The following CTBP2 variants were observed in gnomAD, a reference collection of about 807,000 sequenced individuals.
CTBP2 encodes the protein C-terminal binding protein 2.
A neutral mutation model predicts 80.3 loss-of-function variants in CTBP2; 30 were observed. That is an observed-to-expected ratio of 0.37 (90% CI 0.28 to 0.51). CTBP2 has a LOEUF of 0.51. Among genes scored for constraint, CTBP2 ranks in the 20% least tolerant of loss-of-function variants. The pLI, the probability that CTBP2 is intolerant of heterozygous loss-of-function variation, is 0.93. For missense variants in CTBP2, 1,212 were observed against 1,375.3 expected (o/e 0.88, Z 1.88); for synonymous variants, 594 against 587.4 (o/e 1.01, Z -0.16).
intron 2 of CTBP2, among the ~76,000 whole-genome samples, chr10:125,096,323 T>TG (rs1284142831): frequency 1.3e-5 from 2 of 152,082 alleles, no homozygotes; most frequent in African/African-American, 4.8e-5. Flanking sequence ...ACCTACCCCA[T>TG]GGGGAAAAAA....
At chr10:125,129,742 A>AG (rs1457466501) in intron 1 of CTBP2, among the ~76,000 whole-genome samples, 1 of 152,210 alleles carries the variant, frequency 6.6e-6, no homozygotes, top group East Asian at 1.9e-4. Flanking sequence ...CTCTGGAAGG[A>AG]GGAGCACAGA....
chr10:124,997,359 G>C (rs7916617), intron 4 of CTBP2: 6 of 154,648 alleles, frequency 3.9e-5, no homozygotes, highest in African/African-American at 1.4e-4. Context: ...GGACCTCCTC[G>C]AGCCCCCATG....
intron 1 of CTBP2, among the ~76,000 whole-genome samples, chr10:125,120,771 G>A (rs906561994): frequency 2.6e-5 from 4 of 152,092 alleles, no homozygotes; most frequent in African/African-American, 4.8e-5. Flanking sequence ...TCTACCTCTC[G>A]GGCTCAAGTA....
rs1852978787 is a variant in CTBP2, at chr10:125,114,999, G to T, written c.-205-3906C>A. 2.0e-5 allele frequency among the ~76,000 whole-genome samples: 3 copies of T among 152,042 alleles called. No homozygotes were observed. The South Asian group carries it at 6.2e-4, about 32-fold the overall frequency. The stretch of plus-strand genomic sequence containing the variant: ...CGTTAGGACTTGAGGCTTTCTGCTT[G>T]AACTCACATTTTGGCTGTCTAGGCT... On this transcript the variant is annotated intron_variant, in intron 1 of 10. Transcript: ENST00000337195.
chr10:125,102,687 T>A (rs1351265689), intron 2 of CTBP2, among the ~76,000 whole-genome samples: 1 of 151,318 alleles, frequency 6.6e-6, no homozygotes, highest in Non-Finnish European at 1.5e-5. Flanking sequence ...AAAGTGAAGG[T>A]TTTTTTTAAC....
At chr10:125,033,680 C>A (rs568759327) in intron 3 of CTBP2, among the ~76,000 whole-genome samples, 10 of 152,128 alleles carry the variant, frequency 6.6e-5, no homozygotes, top group African/African-American at 2.4e-4. Context: ...CTGTTCCCCC[C>A]GCGGCACTCC....
chr10:125,121,700 A>T (rs1854348496), intron 1 of CTBP2, among the ~76,000 whole-genome samples: 1 of 152,262 alleles, frequency 6.6e-6, no homozygotes, highest in Admixed American at 6.5e-5. Flanking sequence ...TTAAGAATTA[A>T]TCACAGTGCC....
intron 2 of CTBP2, among the ~76,000 whole-genome samples, chr10:125,081,992 C>T (rs1213820290): frequency 1.3e-5 from 2 of 152,104 alleles, no homozygotes; most frequent in African/African-American, 2.4e-5. Flanking sequence ...TCAGCGCTGC[C>T]CAGGGGCAGG....
chr10:125,052,788 A>G (rs1344958281), intron 2 of CTBP2, among the ~76,000 whole-genome samples: 2 of 152,186 alleles, frequency 1.3e-5, no homozygotes, highest in African/African-American at 4.8e-5. Context: ...GCCCCAACAC[A>G]TTCCCATGGG....
intron 1 of CTBP2, chr10:125,159,804 G>C (rs1017523915): frequency 1.3e-5 from 2 of 150,454 alleles, no homozygotes; most frequent in Admixed American, 6.6e-5. Flanking sequence ...TTGTCCCCGC[G>C]GCGCGTCGCG....
rs563851988 is a variant in CTBP2 at position 125,107,753 on chromosome 10, C to T, written c.-102+3237G>A. Among the ~76,000 whole-genome samples, 12 of 152,238 alleles carry T rather than the reference C, an allele frequency of 7.9e-5. No homozygotes were observed. The South Asian group carries it at 2.3e-3, about 29-fold the overall frequency. On this transcript the variant is annotated intron_variant, in intron 2 of 10. Transcript: ENST00000337195. ...GACTGTCTTTCCCAGAGGCCCTGGT[C>T]GGCAGGCCAAGCTTCTACATCATCC... is the stretch of plus-strand genomic sequence containing the variant.
At chr10:125,144,298 G>A (rs112009538) in intron 1 of CTBP2, among the ~76,000 whole-genome samples, 19 of 152,180 alleles carry the variant, frequency 1.2e-4, no homozygotes, top group African/African-American at 4.1e-4. Flanking sequence ...TTCTCTGGAC[G>A]GCCTGGTATT....
At chr10:125,118,572 C>T (rs925578374) in intron 1 of CTBP2, among the ~76,000 whole-genome samples, 7 of 152,168 alleles carry the variant, frequency 4.6e-5, no homozygotes, top group Non-Finnish European at 1.0e-4. Context: ...GAAGCAGAGG[C>T]AGCCGGTGTG....
intron 1 of CTBP2, chr10:125,159,806 C>T (rs1861626153): frequency 6.6e-6 from 1 of 150,694 alleles, no homozygotes; most frequent in Non-Finnish European, 1.5e-5. Context: ...GTCCCCGCGG[C>T]GCGTCGCGCG....
At chr10:125,134,508 G>A (rs1274800025) in intron 1 of CTBP2, among the ~76,000 whole-genome samples, 2 of 152,294 alleles carry the variant, frequency 1.3e-5, no homozygotes, top group Admixed American at 6.5e-5. Flanking sequence ...ACCCCAGGTA[G>A]GGACCATAAT....
intron 2 of CTBP2, among the ~76,000 whole-genome samples, chr10:125,044,347 G>A (rs113556505): frequency 2.1e-5 from 2 of 96,088 alleles, no homozygotes; most frequent in African/African-American, 3.4e-5. Flanking sequence ...TGGTGCTGGC[G>A]GCACATCTGC....
chr10:125,161,532 C>T (rs146788038), upstream of CTBP2, among the ~76,000 whole-genome samples: 37 of 152,132 alleles, frequency 2.4e-4, no homozygotes, highest in African/African-American at 8.7e-4. Flanking sequence ...CCGCTTCTGC[C>T]TTCTCAGGCC....
intron 2 of CTBP2, among the ~76,000 whole-genome samples, chr10:125,083,458 G>A (rs1208730318): frequency 1.3e-5 from 2 of 152,168 alleles, no homozygotes; most frequent in Non-Finnish European, 2.9e-5. Context: ...GCAGACCCCC[G>A]ACCTGGGCGA....
At chr10:125,057,770 T>C (rs7093976) in intron 2 of CTBP2, among the ~76,000 whole-genome samples, 27,241 of 152,224 alleles carry the variant, frequency 0.18, 3,396 homozygotes, top group African/African-American at 0.35. Flanking sequence ...TGGAAGCCTC[T>C]TGGAGGAGCT....
Sources: allele counts gnomAD v4.1 joint callset (sites outside exome capture counted in the v4.1 genomes callset), GRCh38; gene constraint gnomAD v4.1.1; transcripts MANE v1.5; gene names NCBI Gene and HGNC (gene_info 2026-07-23, HGNC 2026-07-21).